The following SERPINA4 variants were observed in gnomAD, a reference collection of about 807,000 sequenced individuals.
The protein encoded by SERPINA4 is serpin family A member 4, also known as kallistatin.
In SERPINA4, 24 loss-of-function variants were observed where a neutral mutation model predicts 25.4. The observed-to-expected ratio is 0.95, with a 90% confidence interval of 0.69 to 1.33. The LOEUF (loss-of-function observed/expected upper bound fraction) is 1.33, where lower values mean the gene tolerates loss of function less well. Among genes scored for constraint, SERPINA4 ranks in the 40% most tolerant of loss-of-function variants. The pLI is 0.00. For missense variants in SERPINA4, 553 were observed against 535.8 expected (o/e 1.03, Z -0.32); for synonymous variants, 242 against 223.6 (o/e 1.08, Z -0.73).
rs1160360117 is a variant in SERPINA4 at position 94,569,643 on chromosome 14, G to C, written c.*48G>C. On this transcript the variant is annotated 3_prime_UTR_variant, in exon 5 of 5. Transcript: ENST00000557004. ...TTCCAAGCAGGAGGATGTGGCAGGG[G>C]AGGGCTGGGAGTGAGTAGCTCTGTG... The C allele has an allele frequency of 6.3e-7, 1 of 1,591,322 alleles. No individual in the cohort carries two copies.
chr14:94,563,795 C>G lies in SERPINA4; in HGVS notation c.313C>G (p.Leu105Val). The change falls in exon 2 of 5, where the codon CTG (leucine) becomes GTG (valine). Residue 105 changes from leucine to valine, a missense_variant. Coordinates refer to ENST00000557004, the MANE Select transcript of SERPINA4 (RefSeq NM_006215.4). Reference sequence around the variant, plus strand: ...CAGCCGCAGCCAGATCCTTGAGGGCCTGGGCTTCAACCTCACCGAGCTGTC... The same window carrying G: ...CAGCCGCAGCCAGATCCTTGAGGGCGTGGGCTTCAACCTCACCGAGCTGTC... ...SHSRSQILEG[L>V]GFNLTELSES... 1.9e-6 allele frequency: 3 copies of G among 1,614,184 alleles called. No homozygotes were observed. Among genetic ancestry groups the G allele is most frequent in the Non-Finnish European group, 2.5e-6 (3 of 1,180,040 alleles).
At position 94,563,656 on chromosome 14, in the gene SERPINA4, T is replaced by C; in HGVS notation, c.174T>C (p.Phe58=). 1 of 1,613,928 alleles carries C rather than the reference T, an allele frequency of 6.2e-7. No homozygotes were observed. The highest frequency in any genetic ancestry group is 8.5e-7 in the Non-Finnish European group (1 of 1,180,032). The change falls in exon 2 of 5, where the codon TTT becomes TTC. Residue 58 remains phenylalanine, a synonymous_variant. Transcript: ENST00000557004. Reference sequence around the variant, plus strand: ...AGATAGCCCCTGCCAATGCTGACTTTGCCTTCCGCTTCTACTACCTGATCG... The same window carrying C: ...AGATAGCCCCTGCCAATGCTGACTTCGCCTTCCGCTTCTACTACCTGATCG... ...SLKIAPANAD[F]AFRFYYLIAS...
rs1187953252 is a variant in SERPINA4 at position 94,563,476 on chromosome 14, G to A, written c.-7G>A. 6.2e-7 allele frequency: 1 copy of A among 1,607,882 alleles called. No individual in the cohort carries two copies. The highest frequency in any genetic ancestry group is 1.1e-5 in the South Asian group (1 of 90,638). On this transcript the variant is annotated 5_prime_UTR_variant, in exon 2 of 5. Coordinates refer to ENST00000557004, the MANE Select transcript of SERPINA4 (RefSeq NM_006215.4). ...TCTTCCCTCCCATAGGCCTGAGAGT[G>A]CAGAGGATGCATCTTATCGACTACC...
intron 3 of SERPINA4, 57 bp from the exon 4 acceptor site, chr14:94,568,072 C>G (rs1902276261): frequency 6.3e-7 from 1 of 1,585,754 alleles, no homozygotes. Context: ...GGGCTCTGCC[C>G]AGCAGGGATC....
intron 1 of SERPINA4, 147 bp downstream of exon 1, chr14:94,561,641 C>T (rs1170826279): frequency 7.8e-7 from 1 of 1,280,670 alleles, no homozygotes; most frequent in African/African-American, 1.5e-5. Context: ...GACACTTTGT[C>T]ACTCTTGCTA....
intron 4 of SERPINA4, 53 bp downstream of exon 4, chr14:94,568,341 T>A: frequency 6.3e-7 from 1 of 1,597,408 alleles, no homozygotes; most frequent in African/African-American, 1.3e-5. Context: ...GCAGTGCCCA[T>A]GGGAGCTGCC....
At chr14:94,564,371 G>A (rs1478283335) in intron 2 of SERPINA4, among the ~76,000 whole-genome samples, 2 of 152,298 alleles carry the variant, frequency 1.3e-5, no homozygotes, top group Admixed American at 1.3e-4. Context: ...TGTATAAAAT[G>A]CATTATAGCC....
At chr14:94,567,326 G>T in intron 3 of SERPINA4, 83 bp downstream of exon 3, 1 of 1,449,570 alleles carries the variant, frequency 6.9e-7, no homozygotes. Flanking sequence ...CCCCAAAATA[G>T]AGAGTGAACA....
chr14:94,561,626 GC>G, intron 1 of SERPINA4, 132 bp downstream of exon 1: 1 of 1,274,174 alleles, frequency 7.8e-7, no homozygotes, highest in South Asian at 1.2e-5. Context: ...TCCCAGGCAA[GC>G]TGGGACACTT....
chr14:94,561,534 G>C, intron 1 of SERPINA4, 40 bp downstream of exon 1: 1 of 634,590 alleles, frequency 1.6e-6, no homozygotes, highest in East Asian at 6.8e-5. Flanking sequence ...AGAGACTCTA[G>C]AGGGAGGGTG....
chr14:94,562,144 C>T (rs1263412109), intron 1 of SERPINA4, among the ~76,000 whole-genome samples: 3 of 152,104 alleles, frequency 2.0e-5, no homozygotes, highest in Non-Finnish European at 4.4e-5. Flanking sequence ...TTTCAGTGTC[C>T]GTAAGTGAAG....
rs374599275 is a variant in SERPINA4, at chr14:94,563,450, C to T, written c.-17-16C>T. On this transcript the variant is annotated splice_polypyrimidine_tract_variant and intron_variant, in intron 1 of 4. Transcript: ENST00000557004. ...CTTCTGGGGGAATTTCCTGGGCATT[C>T]TCTTCCCTCCCATAGGCCTGAGAGT... is the stretch of plus-strand genomic sequence containing the variant. 1 of 1,579,736 alleles carries T rather than the reference C, an allele frequency of 6.3e-7. No individual in the cohort carries two copies. Among genetic ancestry groups the T allele is most frequent in the Non-Finnish European group, 8.6e-7 (1 of 1,159,908 alleles).
Position 94,563,759 on chromosome 14 carries a change from G to T in SERPINA4, c.277G>T (p.Ala93Ser), listed in dbSNP as rs149939871. Residue 93 changes from alanine to serine, a missense_variant, in exon 2 of 5, where the codon GCC becomes TCC. By Grantham distance (99) the Ala-to-Ser change is moderately conservative (BLOSUM62 1). Coordinates refer to ENST00000557004, the MANE Select transcript of SERPINA4 (RefSeq NM_006215.4). ...GGCCTACGCCATGCTTTCCCTGGGG[G>T]CCTGCTCACACAGCCGCAGCCAGAT... ...SAAYAMLSLG[A>S]CSHSRSQILE... is the part of the protein sequence containing the mutation. 1.6e-5 allele frequency: 26 copies of T among 1,614,044 alleles called. No individual in the cohort carries two copies. Among genetic ancestry groups the T allele is most frequent in the Non-Finnish European group, 2.1e-5 (25 of 1,180,034 alleles).
chr14:94,567,651 T>A (rs576486622), intron 3 of SERPINA4, among the ~76,000 whole-genome samples: 1 of 152,186 alleles, frequency 6.6e-6, no homozygotes, highest in Non-Finnish European at 1.5e-5. Context: ...TAGGAAGGCT[T>A]CCCATCACTC....
intron 2 of SERPINA4, among the ~76,000 whole-genome samples, chr14:94,566,314 T>C (rs1043745924): frequency 3.3e-5 from 5 of 152,222 alleles, no homozygotes; most frequent in Admixed American, 1.3e-4. Flanking sequence ...CAAATTTTCA[T>C]TGATATCTCT....
intron 4 of SERPINA4, among the ~76,000 whole-genome samples, 168 bp downstream of exon 4, chr14:94,568,456 C>T (rs1902288932): frequency 6.6e-6 from 1 of 152,202 alleles, no homozygotes; most frequent in Admixed American, 6.5e-5. Context: ...GGACGTGGTG[C>T]TAGGTGCTGG....
rs548205435 is a variant in SERPINA4, at chr14:94,568,991, G to C, written c.1084-404G>C. ...GAAAGAGACTCAAGACTTCTGATAAGAAAAGTGCACGAGGGGGTAGAGCCT... is the reference window on the plus strand; with the variant it reads ...GAAAGAGACTCAAGACTTCTGATAACAAAAGTGCACGAGGGGGTAGAGCCT... On this transcript the variant is annotated intron_variant, in intron 4 of 4. Transcript: ENST00000557004. Among the ~76,000 whole-genome samples the C allele has an allele frequency of 4.8e-4, 73 of 152,156 alleles. 1 individual carries two copies. Among genetic ancestry groups the C allele is most frequent in the Non-Finnish European group, 9.3e-4 (63 of 68,012 alleles).
chr14:94,561,781 G>A, intron 1 of SERPINA4: 1 of 1,289,780 alleles, frequency 7.8e-7, no homozygotes, highest in Non-Finnish European at 1.0e-6. Context: ...CACTGACTGA[G>A]GGCCAAGGTC....
At chr14:94,561,699 G>C (rs1395501563) in intron 1 of SERPINA4, 1 of 1,289,506 alleles carries the variant, frequency 7.8e-7, no homozygotes, top group Non-Finnish European at 1.0e-6. Context: ...AGGGTCCATG[G>C]GCACTGGTGG....
Sources: allele counts gnomAD v4.1 joint callset (sites outside exome capture counted in the v4.1 genomes callset), GRCh38; gene constraint gnomAD v4.1.1; transcripts MANE v1.5; gene names NCBI Gene and HGNC (gene_info 2026-07-23, HGNC 2026-07-21).